The following CDKL5 variants were observed in gnomAD, a reference collection of about 807,000 sequenced individuals.
CDKL5 encodes the protein cyclin-dependent kinase-like 5.
CDKL5 carries 8 observed loss-of-function variants against 61.7 expected under a neutral mutation model. The observed-to-expected ratio is 0.13, with a 90% CI of 0.08 to 0.23. CDKL5 has a LOEUF of 0.23. Ranked by LOEUF, CDKL5 falls within the 10% of genes least tolerant of loss-of-function variation. The pLI is 1.00. For missense variants in CDKL5, 440 were observed against 734.5 expected (o/e 0.60, Z 4.63); for synonymous variants, 275 against 272.3 (o/e 1.01, Z -0.10).
chrX:18,582,970 G>A (rs983211665), intron 7 of CDKL5, among the ~76,000 whole-genome samples: 6 of 111,763 alleles, frequency 5.4e-5, no homozygotes, highest in African/African-American at 1.3e-4. Context: ...AAGAGTCTGT[G>A]TCCTAAATTT....
chrX:18,652,503 T>C (rs1408700284), intron 21 of CDKL5, among the ~76,000 whole-genome samples: 3 of 111,517 alleles, frequency 2.7e-5, no homozygotes, highest in Non-Finnish European at 5.7e-5. Flanking sequence ...ACCCCATCTC[T>C]ACTAAAAATA....
chrX:18,609,601 C>G lies in CDKL5; in HGVS notation c.2152+31C>G, dbSNP rs202229391. On this transcript the variant is annotated intron_variant, in intron 14 of 17. Transcript: ENST00000623535. ...CCCACCCCCGGCATTCAACAGGTTC[C>G]CCTCTCCTCCCTCTCTCACTTTATG... 1.3e-5 allele frequency: 16 copies of G among 1,201,152 alleles called. No homozygotes were observed. In the African/African-American group the frequency reaches 2.1e-4, roughly 16 times the overall value.
Position 18,581,916 on chromosome X carries a change from C to G in CDKL5, c.429C>G (p.Ile143Met). ...HRDIKPENLL[I>M]SHNDVLKLCD... ...ATATAAAACCAGAAAATCTCTTAAT[C>G]AGCCACAATGATGTCCTAAAACTGT... The change falls in exon 7 of 18, where the codon ATC becomes ATG. Residue 143 changes from isoleucine to methionine, a missense_variant. Ile to Met is a conservative substitution (Grantham distance 10). Coordinates refer to ENST00000623535, the MANE Select transcript of CDKL5 (RefSeq NM_001323289.2). 8.3e-7 allele frequency: 1 copy of G among 1,197,788 alleles called. No homozygotes were observed. The highest frequency in any genetic ancestry group is 1.1e-6 in the Non-Finnish European group (1 of 884,140).
chrX:18,622,719 G>A lies in CDKL5; in HGVS notation c.2377-2409G>A, dbSNP rs182765736. On this transcript the variant is annotated intron_variant, in intron 16 of 17. Coordinates refer to ENST00000623535, the MANE Select transcript of CDKL5 (RefSeq NM_001323289.2). ...GGAACTGAGCCCAAGCAAGTTGTGG[G>A]CTTGCTTCAAAGCCCAAAAATCACA... Among the ~76,000 whole-genome samples the A allele has an allele frequency of 4.4e-3, 486 of 111,260 alleles. 2 individuals carry two copies. In the Middle Eastern group the frequency reaches 0.046, roughly 11 times the overall value.
At chrX:18,448,776 C>A (rs778805834) in intron 1 of CDKL5, among the ~76,000 whole-genome samples, 13 of 112,195 alleles carry the variant, frequency 1.2e-4, no homozygotes, top group South Asian at 3.7e-4. Context: ...GTCCCTACTT[C>A]CTCTATTTTA....
At chrX:18,650,719 G>A in intron 21 of CDKL5, 1 of 784,068 alleles carries the variant, frequency 1.3e-6, no homozygotes, top group Non-Finnish European at 1.9e-6. Context: ...CCTGGGCATG[G>A]GGACAAAGCT....
intron 1 of CDKL5, among the ~76,000 whole-genome samples, chrX:18,461,916 C>T (rs1028234920): frequency 1.8e-5 from 2 of 111,169 alleles, no homozygotes; most frequent in African/African-American, 6.5e-5. Flanking sequence ...GCTTCCATAT[C>T]ACAGCATATC....
chrX:18,516,284 GT>G (rs375914877), intron 3 of CDKL5, among the ~76,000 whole-genome samples: 1,070 of 90,605 alleles, frequency 0.012, 8 homozygotes, highest in Middle Eastern at 0.082. Context: ...CCTGGCCTAC[GT>G]TTTTTTTTTT....
intron 1 of CDKL5, among the ~76,000 whole-genome samples, chrX:18,491,579 T>A (rs762202044): frequency 1.8e-5 from 2 of 111,904 alleles, no homozygotes; most frequent in East Asian, 2.8e-4. Flanking sequence ...TCATTGACAG[T>A]GTTTGAAATC....
At chrX:18,589,350 C>G (rs1925750474) in intron 9 of CDKL5, 1 of 109,940 alleles carries the variant, frequency 9.1e-6, no homozygotes, top group African/African-American at 3.3e-5. Context: ...TCCAAGTGTT[C>G]TCATTGTTCA....
At chrX:18,520,786 C>T (rs1279132138) in intron 3 of CDKL5, among the ~76,000 whole-genome samples, 3 of 111,940 alleles carry the variant, frequency 2.7e-5, no homozygotes, top group South Asian at 3.7e-4. Flanking sequence ...CTCACTCTGT[C>T]GCCCAGGCTG....
chrX:18,555,423 T>A (rs1924566002), intron 3 of CDKL5, among the ~76,000 whole-genome samples: 1 of 112,416 alleles, frequency 8.9e-6, no homozygotes, highest in Admixed American at 9.4e-5. Context: ...ATGGGCAGAT[T>A]CATTCGTAGT....
At chrX:18,484,970 A>ATTATG (rs1921738182) in intron 1 of CDKL5, among the ~76,000 whole-genome samples, 6 of 110,891 alleles carry the variant, frequency 5.4e-5, no homozygotes, top group Non-Finnish European at 1.1e-4. Flanking sequence ...TGTTGCCCAT[A>ATTATG]ATAAATAACA....
At chrX:18,491,930 A>T (rs966749153) in intron 1 of CDKL5, among the ~76,000 whole-genome samples, 1 of 111,322 alleles carries the variant, frequency 9.0e-6, no homozygotes. Flanking sequence ...GACTGTTTCC[A>T]TTCTTGTTTT....
In CDKL5 at chrX:18,637,882, A is replaced by G. The variant is rs1927440305; in HGVS notation, c.*9125A>G. The G allele has an allele frequency of 8.9e-6, 1 of 112,246 alleles. No homozygotes were observed. The highest frequency in any genetic ancestry group is 3.2e-5 in the African/African-American group (1 of 30,932). The allele number at this position is 112,246 out of a possible 1,213,427, so 9.3% of individuals were successfully genotyped here. A position where few individuals can be genotyped will look rare whatever the true frequency, so the allele number is the denominator to read the frequency against. On this transcript the variant is annotated 3_prime_UTR_variant, in exon 18 of 18. Transcript: ENST00000623535. ...GAGAAGGAATGTCACTGAATCTTTA[A>G]TGCCAGTTACACAGAGCTCAGTAGG...
intron 3 of CDKL5, among the ~76,000 whole-genome samples, chrX:18,514,521 A>C (rs757403180): frequency 2.7e-5 from 3 of 110,074 alleles, no homozygotes; most frequent in Non-Finnish European, 5.7e-5. Context: ...AGCCTGGCCA[A>C]CGTGGTGAAA....
chrX:18,480,532 G>T (rs1921506934), intron 1 of CDKL5, among the ~76,000 whole-genome samples: 2 of 111,453 alleles, frequency 1.8e-5, no homozygotes, highest in South Asian at 3.8e-4. Context: ...ACTATGTGCA[G>T]CCCACATTTA....
At chrX:18,439,829 T>A (rs1256175189) in intron 1 of CDKL5, among the ~76,000 whole-genome samples, 4 of 102,655 alleles carry the variant, frequency 3.9e-5, no homozygotes, top group African/African-American at 1.5e-4. Context: ...AGAGTGAGAT[T>A]TGGTCTCCAA....
At chrX:18,525,045 C>T (rs1284418097) in intron 3 of CDKL5, among the ~76,000 whole-genome samples, 1 of 111,426 alleles carries the variant, frequency 9.0e-6, no homozygotes, top group South Asian at 3.8e-4. Context: ...ATCTCAGTCT[C>T]CTAAGTGGTT....
Sources: allele counts gnomAD v4.1 joint callset (sites outside exome capture counted in the v4.1 genomes callset), GRCh38; gene constraint gnomAD v4.1.1; transcripts MANE v1.5; gene names NCBI Gene and HGNC (gene_info 2026-07-23, HGNC 2026-07-21).